BST1: variants seen among roughly 807,000 people sequenced by gnomAD.
The protein encoded by BST1 is bone marrow stromal cell antigen 1, also known as ADP-ribosyl cyclase/cyclic ADP-ribose hydrolase 2.
Under a neutral mutation model 40.6 loss-of-function variants are expected in BST1, and 49 were observed. That is an observed-to-expected ratio of 1.21 (90% CI 0.96 to 1.53). The LOEUF (loss-of-function observed/expected upper bound fraction) is 1.53. Among genes scored for constraint, BST1 ranks in the 40% most tolerant of loss-of-function variants. BST1 has a pLI of 0.00. For synonymous variants in BST1, 157 were observed against 159.3 expected, an observed-to-expected ratio of 0.99 and a Z score of 0.11; for missense variants, 423 against 395.9, an observed-to-expected ratio of 1.07 and a Z score of -0.58.
At chr4:15,704,282 G>T (rs1719750298) in intron 1 of BST1, among the ~76,000 whole-genome samples, 1 of 150,250 alleles carries the variant, frequency 6.7e-6, no homozygotes, top group Non-Finnish European at 1.5e-5. Context: ...GAGGTGAGGG[G>T]TGTGTGTGTG....
chr4:15,731,874 C>G lies in BST1; in HGVS notation c.*29C>G. Reference sequence around the variant, plus strand: ...GAAACTGTGTTGCTCTAACCCTCCTCCAGCCCTGCAGCCTCCCCTTGCAGT... The same window carrying G: ...GAAACTGTGTTGCTCTAACCCTCCTGCAGCCCTGCAGCCTCCCCTTGCAGT... On this transcript the variant is annotated 3_prime_UTR_variant, in exon 9 of 9. Transcript: ENST00000265016. The G allele has an allele frequency of 6.2e-7, 1 of 1,600,264 alleles. No homozygotes were observed. Among genetic ancestry groups the G allele is most frequent in the Non-Finnish European group, 8.5e-7 (1 of 1,172,830 alleles).
chr4:15,709,793 T>C (rs1366342128), intron 3 of BST1, among the ~76,000 whole-genome samples: 1 of 152,150 alleles, frequency 6.6e-6, no homozygotes, highest in Admixed American at 6.6e-5. Flanking sequence ...GAAAGGGGCA[T>C]GTTTTTAAGC....
chr4:15,719,809 A>G (rs1577583169), intron 7 of BST1, among the ~76,000 whole-genome samples: 1 of 152,082 alleles, frequency 6.6e-6, no homozygotes, highest in Non-Finnish European at 1.5e-5. Flanking sequence ...TGAGCAAAGC[A>G]CCCTAAACGT....
chr4:15,742,848 CAGA>C (rs1721777938), downstream of BST1, among the ~76,000 whole-genome samples: 1 of 152,208 alleles, frequency 6.6e-6, no homozygotes, highest in Non-Finnish European at 1.5e-5. Flanking sequence ...GTATCTGAGA[CAGA>C]AGGAGGTTGA....
intron 8 of BST1, among the ~76,000 whole-genome samples, chr4:15,725,890 A>AT (rs993577557): frequency 1.5e-5 from 2 of 135,050 alleles, no homozygotes; most frequent in Non-Finnish European, 3.2e-5. Context: ...ATGTGACTGC[A>AT]TTTTTTTTCT....
At chr4:15,769,874 C>A in the BST1 span, among the ~76,000 whole-genome samples, 1 of 152,012 alleles carries the variant, frequency 6.6e-6, no homozygotes, top group African/African-American at 2.4e-5. Flanking sequence ...CAATCTCCCT[C>A]TGTCGCCCAG....
At chr4:15,751,608 C>CA in the BST1 span, among the ~76,000 whole-genome samples, 1 of 151,764 alleles carries the variant, frequency 6.6e-6, no homozygotes. Flanking sequence ...TAGATATACA[C>CA]TATATCTATG....
In BST1 at chr4:15,703,255, G is replaced by C; in HGVS notation, c.111G>C (p.Glu37Asp). Residue 37 changes from glutamate (E) to aspartate (D), a missense_variant, in exon 1 of 9, where the codon GAG becomes GAC. Glu to Asp is a conservative substitution (Grantham distance 45). Coordinates refer to ENST00000265016, the MANE Select transcript of BST1 (RefSeq NM_004334.3). ...AGGARARWRG[E>D]GTSAHLRDIF... is the part of the protein sequence containing the mutation. ...GGGCGCGCGCGCGGTGGCGCGGGGAGGGCACCAGCGCACACTTGCGGGACA... is the reference window on the plus strand; with the variant it reads ...GGGCGCGCGCGCGGTGGCGCGGGGACGGCACCAGCGCACACTTGCGGGACA... 6.5e-7 allele frequency: 1 copy of C among 1,541,482 alleles called. No individual in the cohort carries two copies. The highest frequency in any genetic ancestry group is 1.2e-5 in the South Asian group (1 of 84,204).
chr4:15,720,599 CAAA>C (rs575238008), intron 7 of BST1, among the ~76,000 whole-genome samples: 5 of 110,072 alleles, frequency 4.5e-5, no homozygotes, highest in Admixed American at 9.5e-5. Flanking sequence ...GACTCTGTCT[CAAA>C]AAAAAAAAAA....
chr4:15,703,445 T>G, intron 1 of BST1, 113 bp downstream of exon 1: 5 of 1,421,154 alleles, frequency 3.5e-6, no homozygotes, highest in South Asian at 2.9e-5. Context: ...GAGAGAGGCC[T>G]TGAGGGGAGA....
the BST1 span, chr4:15,743,597 G>A: frequency 4.3e-5 from 14 of 321,914 alleles, no homozygotes; most frequent in African/African-American, 2.2e-4. Context: ...GAGCCTCTGC[G>A]GGAAGCTCTT....
the BST1 span, among the ~76,000 whole-genome samples, chr4:15,748,639 T>C: frequency 6.6e-5 from 10 of 152,298 alleles, no homozygotes; most frequent in East Asian, 1.9e-3. Flanking sequence ...GCTTGTAGGA[T>C]TTTCGCACAG....
intron 4 of BST1, among the ~76,000 whole-genome samples, chr4:15,714,002 C>G (rs1303821208): frequency 6.6e-6 from 1 of 152,136 alleles, no homozygotes; most frequent in African/African-American, 2.4e-5. Context: ...CAGCGCCTGA[C>G]TCTGCACACA....
the BST1 span, among the ~76,000 whole-genome samples, chr4:15,744,120 A>C: frequency 6.6e-6 from 1 of 152,220 alleles, no homozygotes; most frequent in Non-Finnish European, 1.5e-5. Flanking sequence ...GGAAGAAAGA[A>C]GACTTACACC....
intron 8 of BST1, among the ~76,000 whole-genome samples, chr4:15,728,123 C>A (rs1249698869): frequency 6.6e-6 from 1 of 151,912 alleles, no homozygotes; most frequent in Non-Finnish European, 1.5e-5. Flanking sequence ...CACTAAGGGC[C>A]AAAGGCAAAC....
intron 8 of BST1, chr4:15,731,016 A>ATTCTGCCAGTTT (rs1340101597): frequency 6.6e-6 from 4 of 608,306 alleles, no homozygotes; most frequent in African/African-American, 5.7e-5. Context: ...AGGCCCGGAC[A>ATTCTGCCAGTTT]TTCTGCCAGT....
chr4:15,719,828 C>T (rs1720712389), intron 7 of BST1, among the ~76,000 whole-genome samples: 1 of 152,224 alleles, frequency 6.6e-6, no homozygotes, highest in Non-Finnish European at 1.5e-5. Context: ...GTGTGAACCA[C>T]TCCCTCCCAC....
chr4:15,770,935 T>C, the BST1 span, among the ~76,000 whole-genome samples: 1 of 152,250 alleles, frequency 6.6e-6, no homozygotes, highest in Non-Finnish European at 1.5e-5. Context: ...GAAGCTTTAC[T>C]ATTTGCCCAA....
downstream of BST1, among the ~76,000 whole-genome samples, chr4:15,738,686 C>T (rs559155852): frequency 2.8e-4 from 42 of 152,338 alleles, no homozygotes; most frequent in South Asian, 4.1e-3. Flanking sequence ...TTGTTACAGA[C>T]GGAACTGTGT....
Sources: gnomAD v4.1 joint callset for allele counts (sites outside exome capture counted in the v4.1 genomes callset) on GRCh38, gnomAD v4.1.1 for gene constraint, MANE v1.5 for transcripts, NCBI Gene and HGNC (gene_info 2026-07-23, HGNC 2026-07-21) for gene names.